SLC38A4: variants seen among roughly 807,000 people sequenced by gnomAD.
SLC38A4 encodes sodium-coupled neutral amino acid transporter 4.
A neutral mutation model predicts 63.1 loss-of-function variants in SLC38A4; 20 were observed. The observed-to-expected ratio is 0.32, with a 90% CI of 0.22 to 0.46. The LOEUF is 0.46. Among genes scored for constraint, SLC38A4 ranks in the 20% least tolerant of loss-of-function variants. SLC38A4 has a pLI of 1.00. For synonymous variants in SLC38A4, 230 were observed against 225.5 expected, an observed-to-expected ratio of 1.02 and a Z score of -0.18; for missense variants, 526 against 663.6, an observed-to-expected ratio of 0.79 and a Z score of 2.28.
At chr12:46,819,480 A>T (rs1592197454) in intron 1 of SLC38A4, among the ~76,000 whole-genome samples, 1 of 151,964 alleles carries the variant, frequency 6.6e-6, no homozygotes, top group Non-Finnish European at 1.5e-5. Context: ...AAAAATTAAA[A>T]TAAGAAAATA....
At chr12:46,805,516 A>G (rs1939213129) in intron 1 of SLC38A4, among the ~76,000 whole-genome samples, 1 of 152,204 alleles carries the variant, frequency 6.6e-6, no homozygotes, top group Non-Finnish European at 1.5e-5. Context: ...AAAACTCACG[A>G]TAACTTTTCT....
At chr12:46,788,463 CAG>C in intron 4 of SLC38A4, 63 bp downstream of exon 4, 2 of 1,300,914 alleles carry the variant, frequency 1.5e-6, no homozygotes, top group Non-Finnish European at 2.2e-6. Context: ...TGTTTTCCCA[CAG>C]AGACCTAGGT....
upstream of SLC38A4, among the ~76,000 whole-genome samples, chr12:46,829,238 C>T (rs1017955857): frequency 6.6e-6 from 1 of 152,160 alleles, no homozygotes; most frequent in Admixed American, 6.5e-5. Context: ...CCTTTCCTTT[C>T]ACTTGTCCCT....
chr12:46,800,175 C>T (rs1367381209), intron 2 of SLC38A4, among the ~76,000 whole-genome samples: 1 of 152,070 alleles, frequency 6.6e-6, no homozygotes, highest in African/African-American at 2.4e-5. Flanking sequence ...CCTTCACCTC[C>T]TACTCATGTC....
Position 46,769,390 on chromosome 12 carries a change from T to A in SLC38A4, c.1338A>T (p.Arg446=). The change falls in exon 15 of 17, where the codon CGA becomes CGT. Residue 446 remains arginine, a synonymous_variant. Transcript: ENST00000266579. ...TSVITLLFPK[R]PFSWIRHFLI... The stretch of plus-strand genomic sequence containing the variant: ...GGAAATGTCGTATCCAGCTGAAGGG[T>A]CGTTTGGGAAATAACAGTGTGATCA... 4 of 1,613,308 alleles carry A rather than the reference T, an allele frequency of 2.5e-6. No homozygotes were observed. The highest frequency in any genetic ancestry group is 3.4e-6 in the Non-Finnish European group (4 of 1,179,494).
Position 46,767,830 on chromosome 12 carries a change from C to T in SLC38A4, c.1542+480G>A, listed in dbSNP as rs17097192. The stretch of plus-strand genomic sequence containing the variant: ...TTTGTATCTAAAGAGGTTAACAGAA[C>T]GATGAATGGTTCTGTTCTGGATCTT... On this transcript the variant is annotated intron_variant, in intron 16 of 16. Transcript: ENST00000266579. Among the ~76,000 whole-genome samples, 92 of 152,148 alleles carry T rather than the reference C, an allele frequency of 6.0e-4. 1 individual carries two copies. The East Asian group carries it at 0.016, about 27-fold the overall frequency.
chr12:46,815,705 T>C (rs1173815074), intron 1 of SLC38A4, among the ~76,000 whole-genome samples: 1 of 151,914 alleles, frequency 6.6e-6, no homozygotes, highest in East Asian at 1.9e-4. Context: ...ATTAAATAAC[T>C]AAACTCCAAT....
chr12:46,826,388 T>G (rs1372527511), upstream of SLC38A4, among the ~76,000 whole-genome samples: 7 of 152,176 alleles, frequency 4.6e-5, no homozygotes, highest in Admixed American at 4.6e-4. Context: ...CAAATCTTCA[T>G]AGCAGATTAT....
chr12:46,801,802 G>A (rs1939136729), intron 2 of SLC38A4, among the ~76,000 whole-genome samples: 1 of 152,152 alleles, frequency 6.6e-6, no homozygotes, highest in Non-Finnish European at 1.5e-5. Context: ...TTTTGTCAGT[G>A]AGAGCGCTTG....
intron 14 of SLC38A4, among the ~76,000 whole-genome samples, chr12:46,770,368 C>G (rs773801647): frequency 3.3e-5 from 5 of 151,924 alleles, no homozygotes; most frequent in Non-Finnish European, 7.4e-5. Flanking sequence ...TCCTTTTTAG[C>G]TCTCCCTATC....
chr12:46,779,980 T>C lies in SLC38A4; in HGVS notation c.544A>G (p.Arg182Gly). The change falls in exon 8 of 17, where the codon AGA becomes GGA. Residue 182 changes from arginine (R) to glycine (G), a missense_variant. Physicochemically the swap from Arg to Gly is moderately radical, Grantham distance 125 (BLOSUM62 -2). Transcript: ENST00000266579. ...TTTTCTTCAAGTCCCATGAATGCTC[T>C]GATTACTTCAGGTAGTTCATATTTA... ...IIKYELPEVI[R>G]AFMGLEENTG... 1 of 1,612,576 alleles carries C rather than the reference T, an allele frequency of 6.2e-7. No homozygotes were observed. The highest frequency in any genetic ancestry group is 8.5e-7 in the Non-Finnish European group (1 of 1,179,020).
At chr12:46,811,165 G>A (rs1939333116) in intron 1 of SLC38A4, among the ~76,000 whole-genome samples, 1 of 151,872 alleles carries the variant, frequency 6.6e-6, no homozygotes, top group Non-Finnish European at 1.5e-5. Context: ...TTATGCTAGG[G>A]GCTAAGGCAA....
intron 12 of SLC38A4, among the ~76,000 whole-genome samples, chr12:46,777,750 A>G (rs1301183033): frequency 6.6e-6 from 1 of 152,014 alleles, no homozygotes; most frequent in Non-Finnish European, 1.5e-5. Flanking sequence ...AAAGAATACA[A>G]ATGAACCATA....
At chr12:46,808,143 A>G (rs1021193633) in intron 1 of SLC38A4, among the ~76,000 whole-genome samples, 2 of 152,038 alleles carry the variant, frequency 1.3e-5, no homozygotes, top group Non-Finnish European at 2.9e-5. Flanking sequence ...ACAAATGACT[A>G]CATGATTAGG....
At position 46,765,327 on chromosome 12, in the gene SLC38A4, C is replaced by G. The variant is rs1247842344; in HGVS notation, c.*1374G>C. 5.5e-6 allele frequency: 1 copy of G among 182,352 alleles called. No individual in the cohort carries two copies. Among genetic ancestry groups the G allele is most frequent in the East Asian group, 1.8e-4 (1 of 5,528 alleles). The allele number at this position is 182,352 out of a possible 1,614,324, so 11.3% of individuals were successfully genotyped here. ...TGTGCATTTCTTCGTAGTGTTAGCA[C>G]TTATACTTTTACAGAGAACCACTCA... On this transcript the variant is annotated 3_prime_UTR_variant, in exon 17 of 17. Coordinates refer to ENST00000266579, the MANE Select transcript of SLC38A4 (RefSeq NM_018018.5).
intron 7 of SLC38A4, among the ~76,000 whole-genome samples, chr12:46,783,741 G>A (rs754108419): frequency 1.3e-5 from 2 of 152,074 alleles, no homozygotes; most frequent in African/African-American, 2.4e-5. Flanking sequence ...AAAGATCAGA[G>A]AAATAGAATA....
chr12:46,794,723 T>A (rs1011906511), intron 2 of SLC38A4, among the ~76,000 whole-genome samples: 1 of 151,704 alleles, frequency 6.6e-6, no homozygotes, highest in African/African-American at 2.4e-5. Context: ...AATTACAAGT[T>A]CAAATATACA....
rs768894537 is a variant in SLC38A4, at chr12:46,785,093, T to C, written c.400+11A>G. ...TAAAATAGAATGTGTTGGACTCAAG[T>C]GGTAGCATACCTCCTTCCTTGGCTG... On this transcript the variant is annotated intron_variant, in intron 6 of 16. Coordinates refer to ENST00000266579, the MANE Select transcript of SLC38A4 (RefSeq NM_018018.5). The C allele has an allele frequency of 9.4e-6, 15 of 1,599,366 alleles. No homozygotes were observed. The highest frequency in any genetic ancestry group is 1.7e-5 in the Admixed American group (1 of 59,874).
At chr12:46,795,332 AG>A (rs1188196067) in intron 2 of SLC38A4, among the ~76,000 whole-genome samples, 4 of 152,128 alleles carry the variant, frequency 2.6e-5, no homozygotes, top group Admixed American at 2.0e-4. Flanking sequence ...ACTTGCCTGT[AG>A]GTTGTTTCTA....
Sources: gnomAD v4.1 joint callset for allele counts (sites outside exome capture counted in the v4.1 genomes callset) on GRCh38, gnomAD v4.1.1 for gene constraint, MANE v1.5 for transcripts, NCBI Gene and HGNC (gene_info 2026-07-23, HGNC 2026-07-21) for gene names.